Variants in ZFHX3 observed in about 807,000 individuals in gnomAD.
ZFHX3 encodes the protein zinc finger homeobox protein 3.
Under a neutral mutation model 279.1 loss-of-function variants are expected in ZFHX3, and 42 were observed. That is an observed-to-expected ratio of 0.15 (90% CI 0.12 to 0.19). The LOEUF (loss-of-function observed/expected upper bound fraction) is 0.19, where lower values mean the gene tolerates loss of function less well. ZFHX3 is among the 10% of genes least tolerant of loss of function. The pLI is 1.00. For synonymous variants in ZFHX3, 2,293 were observed against 1,957.8 expected, an observed-to-expected ratio of 1.17 and a Z score of -4.52; for missense variants, 4,981 against 4,754.0, an observed-to-expected ratio of 1.05 and a Z score of -1.40.
At chr16:73,261,223 T>C (rs972350315) in intron 4 of ZFHX3, among the ~76,000 whole-genome samples, 3 of 152,216 alleles carry the variant, frequency 2.0e-5, no homozygotes, top group Admixed American at 2.0e-4. Context: ...CAAAAATATA[T>C]TGTTAAACTA....
Position 73,290,654 on chromosome 16 carries a change from G to A in ZFHX3, c.-1194+27586C>T, listed in dbSNP as rs148161567. 4.2e-4 allele frequency among the ~76,000 whole-genome samples: 64 copies of A among 152,308 alleles called. No homozygotes were observed. In the East Asian group the frequency reaches 6.8e-3, roughly 16 times the overall value. The stretch of plus-strand genomic sequence containing the variant: ...TGGTGAGATGGGTTTCTTCTACTAT[G>A]CTACATGTCACAAAGCTGCTTGTCT... On this transcript the variant is annotated intron_variant, in intron 4 of 17. Coordinates refer to the ZFHX3 transcript ENST00000641206.
intron 3 of ZFHX3, among the ~76,000 whole-genome samples, chr16:73,335,022 T>A (rs1374139889): frequency 6.6e-6 from 1 of 152,032 alleles, no homozygotes; most frequent in Non-Finnish European, 1.5e-5. Flanking sequence ...GTAAATTCAA[T>A]TAGCAAATGT....
chr16:72,945,767 A>G (rs1387283968), intron 3 of ZFHX3, among the ~76,000 whole-genome samples: 1 of 152,132 alleles, frequency 6.6e-6, no homozygotes, highest in Admixed American at 6.5e-5. Context: ...AGCTTCAAAC[A>G]CACAGCCAAG....
At chr16:73,542,213 T>A (rs2020029383) in intron 2 of ZFHX3, among the ~76,000 whole-genome samples, 1 of 151,990 alleles carries the variant, frequency 6.6e-6, no homozygotes, top group Non-Finnish European at 1.5e-5. Flanking sequence ...CAAGTGGCCT[T>A]AATGGAGCCT....
intron 5 of ZFHX3, among the ~76,000 whole-genome samples, chr16:73,246,796 T>C (rs2013294042): frequency 6.6e-6 from 1 of 152,238 alleles, no homozygotes; most frequent in Non-Finnish European, 1.5e-5. Context: ...TAAAGTTTTA[T>C]ACAAACTAGT....
chr16:72,786,408 G>T lies in ZFHX3; in HGVS notation c.*756C>A, dbSNP rs74597882. On this transcript the variant is annotated 3_prime_UTR_variant, in exon 10 of 10. Coordinates refer to ENST00000268489, the MANE Select transcript of ZFHX3 (RefSeq NM_006885.4). ...GTCCTCAACACTCTTTGTGTGTGTG[G>T]GTTATTATTTTTTTTTTTTTTTGAA... The T allele has an allele frequency of 0.033, 4,878 of 148,424 alleles. 580 individuals carry two copies. Among genetic ancestry groups the T allele is most frequent in the East Asian group, 0.29 (1,402 of 4,892 alleles). The allele number at this position is 148,424 out of a possible 1,614,324, so 9.2% of individuals were successfully genotyped here.
chr16:73,514,412 G>A (rs825826), intron 2 of ZFHX3, among the ~76,000 whole-genome samples: 39,906 of 151,886 alleles, frequency 0.26, 5,539 homozygotes, highest in East Asian at 0.37. Flanking sequence ...CACTATGCTA[G>A]GCATTTTATA....
Position 73,240,021 on chromosome 16 carries a change from T to TTGTGTG in ZFHX3, c.-1104+17020_-1104+17025dup, listed in dbSNP as rs113010649. 5.0e-4 allele frequency among the ~76,000 whole-genome samples: 74 copies of TTGTGTG among 147,056 alleles called. 1 individual carries two copies. Among genetic ancestry groups the TTGTGTG allele is most frequent in the Middle Eastern group, 7.0e-3 (2 of 286 alleles). On this transcript the variant is annotated intron_variant, in intron 5 of 17. Coordinates refer to the ZFHX3 transcript ENST00000641206. ...CTGTTGAAGATTTAAGAACCTTATT[T>TTGTGTG]TGTGTGTGTGTGTGTGTGTGTGTGT...
At chr16:73,598,786 C>T (rs1353945969) in intron 2 of ZFHX3, among the ~76,000 whole-genome samples, 1 of 152,080 alleles carries the variant, frequency 6.6e-6, no homozygotes, top group Non-Finnish European at 1.5e-5. Context: ...TTTTTTGAGA[C>T]AGAGTCTTAC....
chr16:73,396,405 G>A (rs191053540), intron 3 of ZFHX3, among the ~76,000 whole-genome samples: 2 of 142,638 alleles, frequency 1.4e-5, no homozygotes, highest in East Asian at 2.0e-4. Flanking sequence ...ATGTTTAATT[G>A]TTAACTAGAA....
rs187631913 is a variant in ZFHX3 at position 72,889,838 on chromosome 16, C to T, written c.3341G>A (p.Arg1114Gln). 7 of 1,614,094 alleles carry T rather than the reference C, an allele frequency of 4.3e-6. No individual in the cohort carries two copies. The highest frequency in any genetic ancestry group is 1.7e-5 in the Admixed American group (1 of 60,034). ...IQHVRSMKHQRSESLRKLQRL... is the reference protein window; with the variant it reads ...IQHVRSMKHQQSESLRKLQRL... Reference sequence around the variant, plus strand: ...CTGCAGCTTTCGCAGGCTCTCGCTTCGCTGGTGCTTCATGGAGCGCACATG... The same window carrying T: ...CTGCAGCTTTCGCAGGCTCTCGCTTTGCTGGTGCTTCATGGAGCGCACATG... The change falls in exon 4 of 10, where the codon CGA becomes CAA. Residue 1114 changes from arginine (R) to glutamine (Q), a missense_variant. Around this residue, in one of 7 missense-constraint regions of ZFHX3, gnomAD observed 1,751 missense variants for 1,770.0 expected, o/e 0.99. Coordinates refer to ENST00000268489, the MANE Select transcript of ZFHX3 (RefSeq NM_006885.4).
chr16:73,484,924 T>C (rs986965122), intron 2 of ZFHX3, among the ~76,000 whole-genome samples: 2 of 151,954 alleles, frequency 1.3e-5, no homozygotes, highest in African/African-American at 4.8e-5. Flanking sequence ...ACTGAAAGGA[T>C]ACTACCACAT....
intron 2 of ZFHX3, among the ~76,000 whole-genome samples, chr16:73,613,386 CAT>C (rs1401561958): frequency 6.6e-6 from 1 of 151,382 alleles, no homozygotes; most frequent in East Asian, 1.9e-4. Context: ...AATATTGACT[CAT>C]TATTTATTTT....
At chr16:73,295,282 G>A (rs2014882277) in intron 4 of ZFHX3, among the ~76,000 whole-genome samples, 1 of 152,206 alleles carries the variant, frequency 6.6e-6, no homozygotes. Context: ...GACTTTTCAA[G>A]CACTGAGCCA....
chr16:73,518,083 A>C (rs1281008489), intron 2 of ZFHX3, among the ~76,000 whole-genome samples: 2 of 152,154 alleles, frequency 1.3e-5, no homozygotes, highest in African/African-American at 4.8e-5. Flanking sequence ...TCTGCAATAT[A>C]TTTTATACTC....
At chr16:73,746,744 C>G (rs2053707305) in intron 1 of ZFHX3, among the ~76,000 whole-genome samples, 1 of 152,154 alleles carries the variant, frequency 6.6e-6, no homozygotes, top group South Asian at 2.1e-4. Flanking sequence ...CTGAATCATT[C>G]CTTAAGTAAG....
At position 72,787,039 on chromosome 16, in the gene ZFHX3, C is replaced by CTTTTTTTTTTTTTTTTTTTTTT. The variant is rs76239888; in HGVS notation, c.*124_*125insAAAAAAAAAAAAAAAAAAAAAA. ...ACAACCCACGCTTTTTCTTTTTTTT[C>CTTTTTTTTTTTTTTTTTTTTTT]TTTTTTTTTTTTTTTTTGTTTTTTG... On this transcript the variant is annotated 3_prime_UTR_variant, in exon 10 of 10. Transcript: ENST00000268489. The CTTTTTTTTTTTTTTTTTTTTTT allele has an allele frequency of 3.2e-6, 2 of 622,212 alleles. No individual in the cohort carries two copies. The highest frequency in any genetic ancestry group is 2.6e-5 in the African/African-American group (1 of 38,090). 38.5% of individuals were successfully genotyped at this position (622,212 alleles called of 1,614,324 possible).
At chr16:73,159,552 C>A (rs779146981) in intron 5 of ZFHX3, among the ~76,000 whole-genome samples, 23 of 152,218 alleles carry the variant, frequency 1.5e-4, no homozygotes, top group South Asian at 8.3e-4. Context: ...ACGGAGCCTA[C>A]TCCAGGCCAC....
upstream of ZFHX3, chr16:73,060,405 GATTCCC>G (rs1244820400): frequency 6.6e-6 from 1 of 152,012 alleles, no homozygotes; most frequent in African/African-American, 2.4e-5. Flanking sequence ...CTACTGTACC[GATTCCC>G]AGTACATCAA....
Sources: allele counts gnomAD v4.1 joint callset (sites outside exome capture counted in the v4.1 genomes callset), GRCh38; gene constraint gnomAD v4.1.1; regional missense constraint gnomAD v4.1.1; transcripts MANE v1.5; gene names NCBI Gene and HGNC (gene_info 2026-07-23, HGNC 2026-07-21).